The following PLXNB1 variants were observed in gnomAD, a reference collection of about 807,000 sequenced individuals.
PLXNB1 encodes plexin B1, also known as plexin-B1.
PLXNB1 carries 106 observed loss-of-function variants against 209.4 expected under a neutral mutation model. That is an observed-to-expected ratio of 0.51 (90% CI 0.43 to 0.59). PLXNB1 has a LOEUF of 0.59. PLXNB1 is among the 20% of genes least tolerant of loss of function. The pLI is 0.00. For synonymous variants in PLXNB1, 1,167 were observed against 1,183.2 expected, an observed-to-expected ratio of 0.99 and a Z score of 0.28; for missense variants, 2,357 against 2,853.2, an observed-to-expected ratio of 0.83 and a Z score of 3.96.
At position 48,410,538 on chromosome 3, in the gene PLXNB1, C is replaced by T. The variant is rs769815192; in HGVS notation, c.5437G>A (p.Gly1813Arg). 7.4e-6 allele frequency: 12 copies of T among 1,613,526 alleles called. No homozygotes were observed. Among genetic ancestry groups the T allele is most frequent in the Middle Eastern group, 3.4e-4 (2 of 5,900 alleles). The change falls in exon 30 of 38, where the codon GGG (glycine) becomes AGG (arginine). Residue 1813 changes from glycine to arginine, a missense_variant. By Grantham distance (125) the Gly-to-Arg change is moderately radical. Transcript: ENST00000296440. The surrounding 1 kb of genome is among the most constrained non-coding windows in gnomAD (Gnocchi z 6.4). ...LDVEWRSGVA[G>R]HLILSDEDVT... is the part of the protein sequence containing the mutation. ...TCCTCGTCAGAAAGAATGAGGTGCC[C>T]GGCCACCCCAGACCGCCACTCTGCA... is the stretch of plus-strand genomic sequence containing the variant.
Position 48,430,055 on chromosome 3 carries a change from C to T in PLXNB1, c.-107G>A, listed in dbSNP as rs1214609820. On this transcript the variant is annotated 5_prime_UTR_variant, in exon 1 of 38. Transcript: ENST00000296440. Reference sequence around the variant, plus strand: ...TCTCCCCTGCGCACCTGGCCCTGCCCACCGCCCCTGCTCACCGCCCCTGCT... The same window carrying T: ...TCTCCCCTGCGCACCTGGCCCTGCCTACCGCCCCTGCTCACCGCCCCTGCT... 6.6e-6 allele frequency: 1 copy of T among 152,492 alleles called. No individual in the cohort carries two copies. Among genetic ancestry groups the T allele is most frequent in the African/African-American group, 2.4e-5 (1 of 41,394 alleles). The allele number at this position is 152,492 out of a possible 1,614,324, so 9.4% of individuals were successfully genotyped here. A position where few individuals can be genotyped will look rare whatever the true frequency, so the allele number is the denominator to read the frequency against.
rs971384511 is a variant in PLXNB1, at chr3:48,417,381, A to T, written c.3374+530T>A. On this transcript the variant is annotated intron_variant, in intron 16 of 37. Coordinates refer to ENST00000296440, the MANE Select transcript of PLXNB1 (RefSeq NM_001130082.3). This position sits in a 1 kb window ranked among gnomAD's most constrained non-coding sequence, Gnocchi z 4.4. ...CTGCGTGTGTACCTTTGGGGCCTGC[A>T]ACCGCTGGCCAGGTTACCATAACCC... Among the ~76,000 whole-genome samples the T allele has an allele frequency of 6.6e-6, 1 of 152,248 alleles. No homozygotes were observed. Among genetic ancestry groups the T allele is most frequent in the Non-Finnish European group, 1.5e-5 (1 of 68,036 alleles).
rs2037548166 is a variant in PLXNB1 at position 48,409,824 on chromosome 3, G to A, written c.5778+81C>T. On this transcript the variant is annotated intron_variant, in intron 32 of 37. Coordinates refer to ENST00000296440, the MANE Select transcript of PLXNB1 (RefSeq NM_001130082.3). The surrounding 1 kb of genome is among the most constrained non-coding windows in gnomAD (Gnocchi z 5.8). Reference sequence around the variant, plus strand: ...ACCCCCCGGCACTGTGCCTGCACGAGCCCCACACCACCCCCAAATCCCACG... The same window carrying A: ...ACCCCCCGGCACTGTGCCTGCACGAACCCCACACCACCCCCAAATCCCACG... The A allele has an allele frequency of 1.9e-6, 3 of 1,574,220 alleles. No individual in the cohort carries two copies. The South Asian group carries it at 3.5e-5, about 18-fold the overall frequency.
Position 48,418,129 on chromosome 3 carries a change from G to A in PLXNB1, c.3222+62C>T. 6.2e-7 allele frequency: 1 copy of A among 1,607,322 alleles called. No homozygotes were observed. The highest frequency in any genetic ancestry group is 1.1e-5 in the South Asian group (1 of 90,558). On this transcript the variant is annotated intron_variant, in intron 15 of 37. Coordinates refer to ENST00000296440, the MANE Select transcript of PLXNB1 (RefSeq NM_001130082.3). This position sits in a 1 kb window ranked among gnomAD's most constrained non-coding sequence, Gnocchi z 6.6. ...AGGCAGCCCCAACCTCCCACCTTTG[G>A]GCCCCCACACCCTCCCTCTAAGGGC...
intron 37 of PLXNB1, 45 bp from the exon 38 acceptor site, chr3:48,404,635 C>G (rs750889158): frequency 2.9e-6 from 4 of 1,367,346 alleles, no homozygotes; most frequent in Non-Finnish European, 4.1e-6. Context: ...CTTTGGCCAA[C>G]GTGTTTGCTG....
chr3:48,413,660 C>A lies in PLXNB1; in HGVS notation c.4535+10G>T. The A allele has an allele frequency of 6.3e-7, 1 of 1,598,508 alleles. No homozygotes were observed. On this transcript the variant is annotated intron_variant, in intron 23 of 37. Transcript: ENST00000296440. The surrounding 1 kb of genome is among the most constrained non-coding windows in gnomAD (Gnocchi z 5.4). ...CCTGCCCCAGCCCAGCCACATCTGGCTGCACCCACCTGTACATGAGGACAA... is the reference window on the plus strand; with the variant it reads ...CCTGCCCCAGCCCAGCCACATCTGGATGCACCCACCTGTACATGAGGACAA...
At chr3:48,414,206 G>T in intron 21 of PLXNB1, 135 bp from the exon 22 acceptor site, 1 of 768,942 alleles carries the variant, frequency 1.3e-6, no homozygotes, top group Non-Finnish European at 2.2e-6. Context: ...CCGAGTGCAG[G>T]CCAGTCACAC....
Position 48,404,414 on chromosome 3 carries a change from T to A in PLXNB1, c.*72A>T. 1 of 892,542 alleles carries A rather than the reference T, an allele frequency of 1.1e-6. No homozygotes were observed. The highest frequency in any genetic ancestry group is 2.5e-5 in the East Asian group (1 of 40,712). The allele number at this position is 892,542 out of a possible 1,614,324, so 55.3% of individuals were successfully genotyped here. On this transcript the variant is annotated 3_prime_UTR_variant, in exon 38 of 38. Coordinates refer to ENST00000296440, the MANE Select transcript of PLXNB1 (RefSeq NM_001130082.3). ...CAGTCACTACAGGCACCTAAGAAGG[T>A]GGCCTCTCCTCCGAGCTTCCAGGGC...
chr3:48,405,333 CT>C lies in PLXNB1; in HGVS notation c.6303+390del, dbSNP rs1451329536. Among the ~76,000 whole-genome samples the C allele has an allele frequency of 1.3e-5, 2 of 152,364 alleles. No individual in the cohort carries two copies. Among genetic ancestry groups the C allele is most frequent in the East Asian group, 1.9e-4 (1 of 5,178 alleles). On this transcript the variant is annotated intron_variant, in intron 37 of 37. Transcript: ENST00000296440. The surrounding 1 kb of genome is among the most constrained non-coding windows in gnomAD (Gnocchi z 5.0). The stretch of plus-strand genomic sequence containing the variant: ...CCAGCTCCAGTGTACCCTCACACCC[CT>C]GGCCCTGTGCCTGGACTCTCCTCTT...
chr3:48,426,544 C>T (rs1264376511), intron 1 of PLXNB1, among the ~76,000 whole-genome samples: 3 of 152,246 alleles, frequency 2.0e-5, no homozygotes, highest in African/African-American at 7.2e-5. Flanking sequence ...GAGCAGGGTA[C>T]TCCTGAGGCT....
Position 48,418,325 on chromosome 3 carries a change from T to A in PLXNB1, c.3088A>T (p.Ser1030Cys). ...TGGGGCATGGCAGTTTGGCAGCGGC[T>A]GCAGTCTCCATGTCCCACGGAACAG... ...YDCSVGHGDC[S>C]RCQTAMPQYG... Residue 1030 changes from serine (S) to cysteine (C), a missense_variant, in exon 15 of 38, where the codon AGC (serine) becomes TGC (cysteine). Around this residue, in one of 7 missense-constraint regions of PLXNB1, gnomAD observed 743 missense variants for 896.2 expected, o/e 0.83. Coordinates refer to ENST00000296440, the MANE Select transcript of PLXNB1 (RefSeq NM_001130082.3). This position sits in a 1 kb window ranked among gnomAD's most constrained non-coding sequence, Gnocchi z 6.6. 6.2e-7 allele frequency: 1 copy of A among 1,613,682 alleles called. No individual in the cohort carries two copies. The highest frequency in any genetic ancestry group is 8.5e-7 in the Non-Finnish European group (1 of 1,180,028).
chr3:48,419,682 G>A lies in PLXNB1; in HGVS notation c.2604C>T (p.Leu868=). 1.2e-6 allele frequency: 2 copies of A among 1,612,648 alleles called. No homozygotes were observed. Among genetic ancestry groups the A allele is most frequent in the Admixed American group, 1.7e-5 (1 of 60,022 alleles). ...CTGCTGAGTCTCCATCACCTGAGAG[G>A]AGGGTGGAAGTGGAGAAGGCGGGTG... The part of the protein sequence containing the change: ...GDAPAFSTST[L]LSGDGDSAEL... Residue 868 remains leucine (L), a synonymous_variant, in exon 11 of 38, where the codon CTC becomes CTT. Coordinates refer to ENST00000296440, the MANE Select transcript of PLXNB1 (RefSeq NM_001130082.3). The surrounding 1 kb of genome is among the most constrained non-coding windows in gnomAD (Gnocchi z 5.7).
At position 48,422,156 on chromosome 3, in the gene PLXNB1, G is replaced by A. The variant is rs1385144415; in HGVS notation, c.1469C>T (p.Ser490Phe). The change falls in exon 6 of 38, where the codon TCT (serine) becomes TTT (phenylalanine). Residue 490 changes from serine (S) to phenylalanine (F), a missense_variant. Coordinates refer to ENST00000296440, the MANE Select transcript of PLXNB1 (RefSeq NM_001130082.3). ...GTATGGGTCCCTGTGAGCAAGGCAAGATGCACAGTCCAGGTGCTGAGCACA... is the reference window on the plus strand; with the variant it reads ...GTATGGGTCCCTGTGAGCAAGGCAAAATGCACAGTCCAGGTGCTGAGCACA... ...ASCAQHLDCA[S>F]CLAHRDPYCG... The A allele has an allele frequency of 2.5e-6, 4 of 1,614,168 alleles. No homozygotes were observed. In the Admixed American group the frequency reaches 5.0e-5, roughly 20 times the overall value.
At chr3:48,412,141 G>C (rs537759974) in intron 27 of PLXNB1, 97 bp downstream of exon 27, 2 of 1,489,904 alleles carry the variant, frequency 1.3e-6, no homozygotes, top group African/African-American at 2.8e-5. Flanking sequence ...TCTCTGCTCT[G>C]GCACAAGTGT....
At position 48,415,596 on chromosome 3, in the gene PLXNB1, TG is replaced by T; in HGVS notation, c.3780del (p.Lys1261ArgfsTer27). Reference protein sequence around the residue: ...LDPNITSAGPTKSFLSGGREI... With the variant: ...LDPNITSAGPXKSFLSGGREI... ...CTGGCCCAACACCTGAGGAAGCTCT[TG>T]GTGGGGCCAGCAGAGGTGATGTTGG... On this transcript the variant is annotated frameshift_variant, in exon 19 of 38. Coordinates refer to ENST00000296440, the MANE Select transcript of PLXNB1 (RefSeq NM_001130082.3). LOFTEE classifies it high-confidence loss of function. The surrounding 1 kb of genome is among the most constrained non-coding windows in gnomAD (Gnocchi z 5.0). 6.3e-7 allele frequency: 1 copy of T among 1,581,570 alleles called. No homozygotes were observed.
chr3:48,422,024 G>T, intron 6 of PLXNB1, 81 bp downstream of exon 6: 1 of 1,379,518 alleles, frequency 7.2e-7, no homozygotes, highest in East Asian at 2.3e-5. Flanking sequence ...ATGGTCTAAG[G>T]GTCAGGAATT....
chr3:48,418,825 T>C lies in PLXNB1; in HGVS notation c.2955+92A>G. The C allele has an allele frequency of 6.6e-7, 1 of 1,511,838 alleles. No homozygotes were observed. Among genetic ancestry groups the C allele is most frequent in the African/African-American group, 1.4e-5 (1 of 73,194 alleles). The allele number at this position is 1,511,838 out of a possible 1,614,324, so 93.7% of individuals were successfully genotyped here. Reference sequence around the variant, plus strand: ...CAGGGCGACACGGTCAGAGCGTGGCTCTGGAAAGTGTGGTGCAGCCAGCTA... The same window carrying C: ...CAGGGCGACACGGTCAGAGCGTGGCCCTGGAAAGTGTGGTGCAGCCAGCTA... On this transcript the variant is annotated intron_variant, in intron 13 of 37. Transcript: ENST00000296440. This position sits in a 1 kb window ranked among gnomAD's most constrained non-coding sequence, Gnocchi z 6.6.
chr3:48,415,428 C>T lies in PLXNB1; in HGVS notation c.3795-81G>A. Reference sequence around the variant, plus strand: ...AAGCACAGCCCAGTCCCGGCTAGGTCAGCTCAGCCCCAGCCCCAAACCACA... The same window carrying T: ...AAGCACAGCCCAGTCCCGGCTAGGTTAGCTCAGCCCCAGCCCCAAACCACA... On this transcript the variant is annotated intron_variant, in intron 19 of 37. Coordinates refer to ENST00000296440, the MANE Select transcript of PLXNB1 (RefSeq NM_001130082.3). The surrounding 1 kb of genome is among the most constrained non-coding windows in gnomAD (Gnocchi z 5.0). 2 of 1,495,278 alleles carry T rather than the reference C, an allele frequency of 1.3e-6. No homozygotes were observed. The highest frequency in any genetic ancestry group is 2.4e-5 in the South Asian group (2 of 81,848). 92.6% of individuals were successfully genotyped at this position (1,495,278 alleles called of 1,614,324 possible).
chr3:48,419,325 C>G lies in PLXNB1; in HGVS notation c.2751G>C (p.Glu917Asp). The G allele has an allele frequency of 6.3e-7, 1 of 1,593,118 alleles. No individual in the cohort carries two copies. The highest frequency in any genetic ancestry group is 1.1e-5 in the South Asian group (1 of 89,542). The change falls in exon 12 of 38, where the codon GAG becomes GAC. Residue 917 changes from glutamate (E) to aspartate (D), a missense_variant. Physicochemically the swap from Glu to Asp is conservative, Grantham distance 45. Around this residue, in one of 7 missense-constraint regions of PLXNB1, gnomAD observed 410 missense variants for 401.0 expected, o/e 1.02. Transcript: ENST00000296440. The surrounding 1 kb of genome is among the most constrained non-coding windows in gnomAD (Gnocchi z 5.7). ...GCATCAACGTGGAGCCCTGAACGCT[C>G]TCCACACAGGGGCAGGAGCTTGCCC... ...TLGASSCPCV[E>D]SVQGSTLMPV...
Sources: allele counts gnomAD v4.1 joint callset (sites outside exome capture counted in the v4.1 genomes callset), GRCh38; gene constraint gnomAD v4.1.1; regional missense constraint gnomAD v4.1.1; non-coding constraint Gnocchi (gnomAD v3.1); transcripts MANE v1.5; gene names NCBI Gene and HGNC (gene_info 2026-07-23, HGNC 2026-07-21).